The following ELMO1 variants were observed in gnomAD, a reference collection of about 807,000 sequenced individuals.
The protein encoded by ELMO1 is engulfment and cell motility protein 1.
A neutral mutation model predicts 98.9 loss-of-function variants in ELMO1; 26 were observed. The ratio of observed to expected loss-of-function variants is 0.26; its 90% confidence interval spans 0.19 to 0.36. The LOEUF (loss-of-function observed/expected upper bound fraction) is 0.36. Among genes scored for constraint, ELMO1 ranks in the 10% least tolerant of loss-of-function variants. ELMO1 has a pLI of 1.00. For missense variants in ELMO1, 627 were observed against 935.2 expected, an observed-to-expected ratio of 0.67 and a Z score of 4.30; for synonymous variants, 346 against 346.0, an observed-to-expected ratio of 1.00 and a Z score of 0.00.
At chr7:37,428,061 G>T (rs922493657) in intron 1 of ELMO1, among the ~76,000 whole-genome samples, 2 of 150,652 alleles carry the variant, frequency 1.3e-5, no homozygotes, top group Admixed American at 6.6e-5. Flanking sequence ...GTGTGTGTCT[G>T]TGTGTGCACA....
At chr7:37,127,627 T>G (rs921419559) in intron 14 of ELMO1, among the ~76,000 whole-genome samples, 1 of 152,248 alleles carries the variant, frequency 6.6e-6, no homozygotes, top group African/African-American at 2.4e-5. Context: ...CACTAGGTAT[T>G]CATTTGCTCT....
chr7:37,219,694 G>A (rs1793487998), intron 10 of ELMO1, among the ~76,000 whole-genome samples: 1 of 152,200 alleles, frequency 6.6e-6, no homozygotes, highest in Non-Finnish European at 1.5e-5. Flanking sequence ...GCAGGGATAA[G>A]GTTGAGACTC....
intron 16 of ELMO1, among the ~76,000 whole-genome samples, chr7:36,961,569 C>T (rs1465251336): frequency 6.6e-6 from 1 of 152,112 alleles, no homozygotes; most frequent in Non-Finnish European, 1.5e-5. Context: ...TTCAGTTTCA[C>T]AAAAGTACTT....
At chr7:36,996,558 G>A (rs1361409084) in intron 16 of ELMO1, among the ~76,000 whole-genome samples, 1 of 152,152 alleles carries the variant, frequency 6.6e-6, no homozygotes. Context: ...TTGCCTCAAG[G>A]TAGCCATGAG....
intron 6 of ELMO1, among the ~76,000 whole-genome samples, chr7:37,253,042 A>T (rs2717961): frequency 1.3e-5 from 2 of 152,034 alleles, no homozygotes; most frequent in South Asian, 2.1e-4. Flanking sequence ...ATCTCATGCC[A>T]GTTAGAATGG....
chr7:37,240,887 T>C (rs1794732261), intron 7 of ELMO1, among the ~76,000 whole-genome samples: 2 of 152,198 alleles, frequency 1.3e-5, no homozygotes, highest in Non-Finnish European at 2.9e-5. Context: ...CTATGGACTA[T>C]TTTGATGAAC....
At chr7:36,952,964 C>CTTTTT (rs70980904) in intron 16 of ELMO1, among the ~76,000 whole-genome samples, 61 of 82,864 alleles carry the variant, frequency 7.4e-4, no homozygotes, top group Admixed American at 9.8e-4. Context: ...AGTCACTACT[C>CTTTTT]TTTTTTTTTT....
chr7:37,020,869 C>T (rs993489383), intron 15 of ELMO1, among the ~76,000 whole-genome samples: 1 of 152,252 alleles, frequency 6.6e-6, no homozygotes, highest in Middle Eastern at 3.4e-3. Context: ...CATACACACA[C>T]AAAGGCATTT....
chr7:37,234,141 G>A (rs1482303194), intron 7 of ELMO1, among the ~76,000 whole-genome samples: 3 of 151,994 alleles, frequency 2.0e-5, no homozygotes, highest in African/African-American at 7.3e-5. Flanking sequence ...CTTTCTTTGA[G>A]TACATTGAAT....
At chr7:37,234,444 A>C (rs180993438) in intron 7 of ELMO1, among the ~76,000 whole-genome samples, 7 of 152,322 alleles carry the variant, frequency 4.6e-5, no homozygotes, top group Admixed American at 3.9e-4. Flanking sequence ...ATTCTGCATC[A>C]CCACAGAAGA....
intron 16 of ELMO1, among the ~76,000 whole-genome samples, chr7:36,956,979 C>T (rs930196631): frequency 6.6e-6 from 1 of 152,216 alleles, no homozygotes; most frequent in African/African-American, 2.4e-5. Flanking sequence ...AAGTTATGTT[C>T]CATGGTAATG....
chr7:37,256,684 G>C (rs1795674007), intron 6 of ELMO1, among the ~76,000 whole-genome samples: 1 of 138,980 alleles, frequency 7.2e-6, no homozygotes, highest in African/African-American at 2.7e-5. Context: ...AAGGGAGAAG[G>C]AGGGAAGGAA....
intron 16 of ELMO1, among the ~76,000 whole-genome samples, chr7:36,981,228 G>A (rs1000935026): frequency 7.3e-5 from 11 of 149,806 alleles, no homozygotes; most frequent in African/African-American, 2.0e-4. Context: ...CATTTCACCC[G>A]TTTGATTTGG....
chr7:37,192,522 G>A (rs1171892281), intron 13 of ELMO1, among the ~76,000 whole-genome samples: 1 of 147,268 alleles, frequency 6.8e-6, no homozygotes. Context: ...AAACTGGGCC[G>A]GGCGCAGTGG....
intron 1 of ELMO1, among the ~76,000 whole-genome samples, chr7:37,405,744 C>G (rs113457810): frequency 2.0e-5 from 3 of 152,262 alleles, no homozygotes; most frequent in African/African-American, 7.2e-5. Context: ...CCAGCCAATC[C>G]TCCTCCGATA....
At chr7:37,020,499 C>T (rs376259200) in intron 15 of ELMO1, among the ~76,000 whole-genome samples, 1 of 152,136 alleles carries the variant, frequency 6.6e-6, no homozygotes, top group Non-Finnish European at 1.5e-5. Context: ...TTAATCCTAC[C>T]TAATGCAGAC....
At chr7:37,392,330 T>C (rs774974417) in intron 1 of ELMO1, among the ~76,000 whole-genome samples, 3 of 152,176 alleles carry the variant, frequency 2.0e-5, no homozygotes, top group African/African-American at 7.2e-5. Context: ...TAAAGTGGCA[T>C]ATGCCTCTGA....
At chr7:36,983,509 C>T (rs924147238) in intron 16 of ELMO1, among the ~76,000 whole-genome samples, 1 of 152,186 alleles carries the variant, frequency 6.6e-6, no homozygotes. Context: ...AGTACATCGA[C>T]ATGCATGAAA....
chr7:36,879,486 G>A (rs1011929817), intron 18 of ELMO1, among the ~76,000 whole-genome samples: 13 of 152,182 alleles, frequency 8.5e-5, no homozygotes, highest in Admixed American at 6.5e-4. Flanking sequence ...AAGAAAAGTG[G>A]TTTTCTCTCT....
Sources: gnomAD v4.1 joint callset for allele counts (sites outside exome capture counted in the v4.1 genomes callset) on GRCh38, gnomAD v4.1.1 for gene constraint, MANE v1.5 for transcripts, NCBI Gene and HGNC (gene_info 2026-07-23, HGNC 2026-07-21) for gene names.